The following SLC4A4 variants were observed in gnomAD, a reference collection of about 807,000 sequenced individuals.
SLC4A4 encodes the protein solute carrier family 4 member 4, also known as electrogenic sodium bicarbonate cotransporter 1.
Under a neutral mutation model 111.5 loss-of-function variants are expected in SLC4A4, and 27 were observed. The ratio of observed to expected loss-of-function variants is 0.24; its 90% CI spans 0.18 to 0.33. SLC4A4 has a LOEUF of 0.33. SLC4A4 is among the 10% of genes least tolerant of loss of function. The probability of loss-of-function intolerance (pLI) is 1.00; values close to 1 mark genes in which losing one functional copy is unlikely to be tolerated. For synonymous variants in SLC4A4, 443 were observed against 463.4 expected (o/e 0.96, Z 0.57); for missense variants, 909 against 1,315.5 (o/e 0.69, Z 4.78).
intron 15 of SLC4A4, among the ~76,000 whole-genome samples, chr4:71,487,810 T>A (rs1217519265): frequency 6.6e-6 from 1 of 151,682 alleles, no homozygotes; most frequent in Non-Finnish European, 1.5e-5. Context: ...GATGATGTTT[T>A]GTATCTTTCC....
In SLC4A4 at chr4:71,552,835, A is replaced by T. The variant is rs1046484757; in HGVS notation, c.2695-2305A>T. 2.0e-5 allele frequency among the ~76,000 whole-genome samples: 3 copies of T among 147,948 alleles called. No individual in the cohort carries two copies. In the East Asian group the frequency reaches 6.9e-4, roughly 34 times the overall value. On this transcript the variant is annotated intron_variant, in intron 20 of 25. Coordinates refer to ENST00000264485, the MANE Select transcript of SLC4A4 (RefSeq NM_001098484.3). ...ATTACTCCTGTCTTGCTTTGTAAAA[A>T]TATCTACCTACTATTACTATGTAAA...
intron 3 of SLC4A4, among the ~76,000 whole-genome samples, chr4:71,269,072 A>G (rs1026967470): frequency 1.3e-5 from 2 of 152,208 alleles, no homozygotes; most frequent in African/African-American, 4.8e-5. Flanking sequence ...AATTAGAACA[A>G]GGTCTTTGGA....
intron 1 of SLC4A4, among the ~76,000 whole-genome samples, chr4:71,064,898 T>A (rs1213756167): frequency 6.6e-6 from 1 of 152,234 alleles, no homozygotes; most frequent in African/African-American, 2.4e-5. Flanking sequence ...TAATTCTACC[T>A]CATGGAGTTG....
chr4:71,084,112 C>T (rs889384870), intron 1 of SLC4A4, among the ~76,000 whole-genome samples: 5 of 151,900 alleles, frequency 3.3e-5, no homozygotes, highest in African/African-American at 7.3e-5. Context: ...ATATGGAAGA[C>T]CATCTCACTC....
chr4:71,469,477 A>G (rs766113233), intron 13 of SLC4A4, among the ~76,000 whole-genome samples: 7 of 151,942 alleles, frequency 4.6e-5, no homozygotes, highest in African/African-American at 1.7e-4. Flanking sequence ...GTTTTATGCT[A>G]CTGAGAAACT....
chr4:71,537,250 T>C (rs1341244582), intron 18 of SLC4A4, among the ~76,000 whole-genome samples: 1 of 135,442 alleles, frequency 7.4e-6, no homozygotes, highest in Non-Finnish European at 1.6e-5. Context: ...ATATGGTGGT[T>C]ATGAAAAGGT....
chr4:71,123,468 C>T (rs1352689736), intron 2 of SLC4A4, among the ~76,000 whole-genome samples: 1 of 152,028 alleles, frequency 6.6e-6, no homozygotes, highest in Non-Finnish European at 1.5e-5. Context: ...TGAATTCAAA[C>T]CCATGTAATT....
intron 2 of SLC4A4, among the ~76,000 whole-genome samples, chr4:71,249,646 T>C (rs150861645): frequency 0.017 from 2,613 of 152,260 alleles, 60 homozygotes; most frequent in African/African-American, 0.055. Flanking sequence ...CCTAGCACTT[T>C]GGGAGGCCGA....
intron 4 of SLC4A4, among the ~76,000 whole-genome samples, chr4:71,347,214 G>C (rs1001049941): frequency 3.9e-5 from 6 of 152,108 alleles, no homozygotes; most frequent in Admixed American, 2.6e-4. Flanking sequence ...ACTATGGAGA[G>C]GAATAAATAA....
intron 1 of SLC4A4, among the ~76,000 whole-genome samples, chr4:71,192,248 T>C (rs2148995470): frequency 6.6e-6 from 1 of 152,316 alleles, no homozygotes; most frequent in African/African-American, 2.4e-5. Context: ...TAAGATCTAG[T>C]AACAACTTCA....
intron 6 of SLC4A4, among the ~76,000 whole-genome samples, chr4:71,366,928 T>G (rs992263097): frequency 2.0e-5 from 3 of 152,196 alleles, no homozygotes. Context: ...AAGTCTCAGC[T>G]TTCATGAGGG....
At chr4:71,283,591 G>C (rs898315681) in intron 3 of SLC4A4, among the ~76,000 whole-genome samples, 1 of 152,038 alleles carries the variant, frequency 6.6e-6, no homozygotes, top group Non-Finnish European at 1.5e-5. Flanking sequence ...TCAGGGGAGT[G>C]GTTTTTGAGT....
intron 1 of SLC4A4, among the ~76,000 whole-genome samples, chr4:71,080,631 A>G (rs991434768): frequency 3.3e-5 from 5 of 152,126 alleles, no homozygotes; most frequent in South Asian, 2.1e-4. Context: ...ATATTCAAAT[A>G]CTTTGTAAAC....
intron 16 of SLC4A4, among the ~76,000 whole-genome samples, chr4:71,501,194 A>T (rs1730892081): frequency 6.6e-6 from 1 of 151,778 alleles, no homozygotes; most frequent in Non-Finnish European, 1.5e-5. Context: ...TTTATTCTTA[A>T]ATGTTTTATT....
rs10004383 is a variant in SLC4A4 at position 71,291,841 on chromosome 4, T to C, written c.253+36442T>C. Among the ~76,000 whole-genome samples, 135 of 152,356 alleles carry C rather than the reference T, an allele frequency of 8.9e-4. No homozygotes were observed. In the South Asian group the frequency reaches 0.012, roughly 13 times the overall value. Reference sequence around the variant, plus strand: ...ATTCTATATTACTTTATTATCAAATTGTGAATGAGTTATTACCAATGTTGT... The same window carrying C: ...ATTCTATATTACTTTATTATCAAATCGTGAATGAGTTATTACCAATGTTGT... On this transcript the variant is annotated intron_variant, in intron 3 of 25. Transcript: ENST00000264485.
chr4:71,189,297 C>T (rs1440323677), intron 1 of SLC4A4, among the ~76,000 whole-genome samples: 1 of 152,122 alleles, frequency 6.6e-6, no homozygotes, highest in Non-Finnish European at 1.5e-5. Flanking sequence ...AGAATGTACT[C>T]TCAGTTTAGA....
intron 25 of SLC4A4, among the ~76,000 whole-genome samples, 159 bp from the exon 26 acceptor site, chr4:71,567,629 A>T (rs1737605749): frequency 6.6e-6 from 1 of 151,800 alleles, no homozygotes; most frequent in Admixed American, 6.6e-5. Flanking sequence ...GGTAACCTTC[A>T]TCCCATTTAA....
At chr4:71,429,024 C>A (rs1414188063) in intron 7 of SLC4A4, among the ~76,000 whole-genome samples, 1 of 152,050 alleles carries the variant, frequency 6.6e-6, no homozygotes, top group East Asian at 1.9e-4. Context: ...ATTATTTTAA[C>A]ACATGCAGAA....
chr4:71,484,766 A>G (rs1729216065), intron 14 of SLC4A4, among the ~76,000 whole-genome samples: 1 of 151,840 alleles, frequency 6.6e-6, no homozygotes, highest in Non-Finnish European at 1.5e-5. Flanking sequence ...CATTTTAACA[A>G]TATTGATTCG....
Sources: gnomAD v4.1 joint callset for allele counts (sites outside exome capture counted in the v4.1 genomes callset) on GRCh38, gnomAD v4.1.1 for gene constraint, MANE v1.5 for transcripts, NCBI Gene and HGNC (gene_info 2026-07-23, HGNC 2026-07-21) for gene names.